The following AHI1 variants were observed in gnomAD, a reference collection of about 807,000 sequenced individuals.
AHI1 encodes the protein jouberin.
In AHI1, 123 loss-of-function variants were observed where a neutral mutation model predicts 149.3. The ratio of observed to expected loss-of-function variants is 0.82; its 90% CI spans 0.71 to 0.96. The LOEUF (loss-of-function observed/expected upper bound fraction) is 0.96. Among genes scored for constraint, AHI1 ranks in the 40% least tolerant of loss-of-function variants. The pLI is 0.00. For synonymous variants in AHI1, 475 were observed against 459.8 expected (o/e 1.03, Z -0.42); for missense variants, 1,439 against 1,422.7 (o/e 1.01, Z -0.18).
intron 23 of AHI1, among the ~76,000 whole-genome samples, chr6:135,382,717 TTTC>T (rs1188831214): frequency 2.6e-5 from 4 of 151,540 alleles, no homozygotes; most frequent in African/African-American, 9.7e-5. Context: ...AAACTAAAAA[TTTC>T]TTGTCACAGA....
intron 26 of AHI1, chr6:135,301,759 C>T: frequency 2.0e-6 from 2 of 985,416 alleles, no homozygotes; most frequent in Non-Finnish European, 2.4e-6. Flanking sequence ...AATTTTTCTC[C>T]ACCAGTGGAA....
At chr6:135,299,049 C>T (rs1027303057) in intron 27 of AHI1, among the ~76,000 whole-genome samples, 12 of 151,784 alleles carry the variant, frequency 7.9e-5, no homozygotes, top group African/African-American at 1.9e-4. Context: ...GTTGAGTATA[C>T]GCTCCTTAGG....
At chr6:135,442,789 T>C in intron 13 of AHI1, 75 bp from the exon 14 acceptor site, 1 of 1,376,530 alleles carries the variant, frequency 7.3e-7, no homozygotes, top group South Asian at 1.6e-5. Context: ...TTTCAATTAC[T>C]GTAGTTCTTT....
At chr6:135,310,349 T>G (rs1333871872) in intron 26 of AHI1, among the ~76,000 whole-genome samples, 1 of 152,252 alleles carries the variant, frequency 6.6e-6, no homozygotes, top group Non-Finnish European at 1.5e-5. Flanking sequence ...ATATATTTAT[T>G]GCCTACCATT....
chr6:135,481,572 C>A (rs548340202), intron 5 of AHI1, among the ~76,000 whole-genome samples: 34 of 151,888 alleles, frequency 2.2e-4, no homozygotes, highest in African/African-American at 7.5e-4. Context: ...TTAAAAAAAC[C>A]TAATTATTCT....
chr6:135,383,886 C>G (rs1033911780), intron 23 of AHI1, among the ~76,000 whole-genome samples: 1 of 152,172 alleles, frequency 6.6e-6, no homozygotes, highest in African/African-American at 2.4e-5. Context: ...AACCAACCCT[C>G]TCATCTCACC....
rs2128009440 is a variant in AHI1 at position 135,428,700 on chromosome 6, A to G, written c.2552T>C (p.Leu851Ser). The G allele has an allele frequency of 6.2e-7, 1 of 1,608,866 alleles. No individual in the cohort carries two copies. Among genetic ancestry groups the G allele is most frequent in the Non-Finnish European group, 8.5e-7 (1 of 1,176,922 alleles). ...AAACAGAAAAGTCCCACATGGAGTCAAAGTACTATGAATCTTCTCCCGATA... is the reference window on the plus strand; with the variant it reads ...AAACAGAAAAGTCCCACATGGAGTCGAAGTACTATGAATCTTCTCCCGATA... ...ANYREKIHSTLTPCGTFLFAG... is the reference protein window; with the variant it reads ...ANYREKIHSTSTPCGTFLFAG... Residue 851 changes from leucine to serine, a missense_variant, in exon 19 of 29, where the codon TTG (leucine) becomes TCG (serine). Coordinates refer to ENST00000265602, the MANE Select transcript of AHI1 (RefSeq NM_001134831.2).
Position 135,453,418 on chromosome 6 carries a change from C to A in AHI1, c.1363G>T (p.Val455Leu). 1.3e-6 allele frequency: 2 copies of A among 1,554,354 alleles called. No individual in the cohort carries two copies. The highest frequency in any genetic ancestry group is 1.7e-6 in the Non-Finnish European group (2 of 1,148,108). The change falls in exon 11 of 29, where the codon GTG becomes TTG. Residue 455 changes from valine to leucine, a missense_variant. Transcript: ENST00000265602. ...LFFEILDFLS[V>L]DEIKNNSEVQ... The stretch of plus-strand genomic sequence containing the variant: ...TCAGAATTATTCTTAATTTCATCCA[C>A]GCTTAAGAAATCAAGAATCTGCAAA...
intron 14 of AHI1, among the ~76,000 whole-genome samples, chr6:135,440,242 T>C (rs929398446): frequency 1.3e-5 from 2 of 152,118 alleles, no homozygotes; most frequent in African/African-American, 2.4e-5. Flanking sequence ...CTGCCTTTAT[T>C]TGACCTGGCT....
At chr6:135,330,524 G>A (rs1389818379) in intron 24 of AHI1, among the ~76,000 whole-genome samples, 2 of 152,176 alleles carry the variant, frequency 1.3e-5, no homozygotes, top group Non-Finnish European at 2.9e-5. Flanking sequence ...TTTAAACATA[G>A]TTTTCTATGT....
chr6:135,358,295 T>C (rs1316705567), intron 23 of AHI1, 108 bp from the exon 24 acceptor site: 6 of 957,856 alleles, frequency 6.3e-6, no homozygotes, highest in Non-Finnish European at 9.7e-6. Context: ...CTCACACAGC[T>C]TCCAAGAAAA....
chr6:135,434,263 A>C (rs1785065306), intron 15 of AHI1, among the ~76,000 whole-genome samples: 1 of 152,056 alleles, frequency 6.6e-6, no homozygotes, highest in Admixed American at 6.5e-5. Flanking sequence ...CTTACAATAT[A>C]GGATATGATC....
At chr6:135,307,713 G>A (rs1784681200) in intron 26 of AHI1, among the ~76,000 whole-genome samples, 1 of 150,470 alleles carries the variant, frequency 6.6e-6, no homozygotes, top group African/African-American at 2.4e-5. Context: ...ACTTATAAGT[G>A]TTTTTTCCTT....
chr6:135,484,986 T>C (rs933373026), intron 5 of AHI1, among the ~76,000 whole-genome samples: 2 of 152,188 alleles, frequency 1.3e-5, no homozygotes, highest in Non-Finnish European at 1.5e-5. Flanking sequence ...TTATCTGAAA[T>C]GTAATTTTTA....
intron 26 of AHI1, among the ~76,000 whole-genome samples, chr6:135,310,308 G>A (rs1317669615): frequency 1.3e-5 from 2 of 152,164 alleles, no homozygotes; most frequent in African/African-American, 2.4e-5. Flanking sequence ...ATACTTTGAA[G>A]ACTAAGAAAA....
At chr6:135,340,632 A>C in intron 24 of AHI1, among the ~76,000 whole-genome samples, 1 of 135,332 alleles carries the variant, frequency 7.4e-6, no homozygotes, top group Non-Finnish European at 1.6e-5. Flanking sequence ...AAAATATAAA[A>C]ACCAGTACAT....
chr6:135,395,890 G>A (rs1023821445), intron 22 of AHI1, among the ~76,000 whole-genome samples: 3 of 151,612 alleles, frequency 2.0e-5, no homozygotes, highest in African/African-American at 7.3e-5. Context: ...AAACCATACA[G>A]AGGACTTCTA....
At chr6:135,371,479 AGTGCCT>A (rs1775051525) in intron 23 of AHI1, among the ~76,000 whole-genome samples, 1 of 152,138 alleles carries the variant, frequency 6.6e-6, no homozygotes, top group Admixed American at 6.5e-5. Context: ...AGTACGGCTG[AGTGCCT>A]TTGTTATCAT....
At chr6:135,407,590 G>A (rs577458413) in intron 21 of AHI1, among the ~76,000 whole-genome samples, 14 of 152,126 alleles carry the variant, frequency 9.2e-5, no homozygotes, top group African/African-American at 3.4e-4. Flanking sequence ...TACCAAAGCA[G>A]ACATATTCTC....
Sources: allele counts gnomAD v4.1 joint callset (sites outside exome capture counted in the v4.1 genomes callset), GRCh38; gene constraint gnomAD v4.1.1; transcripts MANE v1.5; gene names NCBI Gene and HGNC (gene_info 2026-07-23, HGNC 2026-07-21).